RNF157: variants seen among roughly 807,000 people sequenced by gnomAD.
RNF157 encodes the protein E3 ubiquitin ligase RNF157.
A neutral mutation model predicts 88.3 loss-of-function variants in RNF157; 55 were observed. That is an observed-to-expected ratio of 0.62 (90% CI 0.50 to 0.78). The LOEUF (loss-of-function observed/expected upper bound fraction) is 0.78, where lower values mean the gene tolerates loss of function less well. Ranked by LOEUF, RNF157 falls within the 30% of genes least tolerant of loss-of-function variation. RNF157 has a pLI of 0.00. For missense variants in RNF157, 788 were observed against 860.8 expected (o/e 0.92, Z 1.06); for synonymous variants, 334 against 341.2 (o/e 0.98, Z 0.23).
intron 1 of RNF157, among the ~76,000 whole-genome samples, chr17:76,232,785 T>C (rs1306418592): frequency 2.0e-5 from 3 of 152,372 alleles, no homozygotes; most frequent in Middle Eastern, 3.4e-3. Flanking sequence ...TTAGTTATCC[T>C]AATTCTAATA....
Position 76,146,210 on chromosome 17 carries a change from G to T in RNF157, c.1922-857C>A. On this transcript the variant is annotated intron_variant, in intron 18 of 18. Coordinates refer to ENST00000269391, the MANE Select transcript of RNF157 (RefSeq NM_052916.3). This position sits in a 1 kb window ranked among gnomAD's most constrained non-coding sequence, Gnocchi z 4.2. ...CACGCTAACCTGGGCTCCACTCCCA[G>T]TTTACAGCAGTGTGACCTTGGGCAC... The T allele has an allele frequency of 2.9e-6, 1 of 339,850 alleles. No homozygotes were observed. Among genetic ancestry groups the T allele is most frequent in the Non-Finnish European group, 4.2e-6 (1 of 239,838 alleles). 21.1% of individuals were successfully genotyped at this position (339,850 alleles called of 1,614,324 possible).
chr17:76,159,681 G>A (rs2068819591), intron 11 of RNF157, 108 bp from the exon 12 acceptor site: 1 of 805,324 alleles, frequency 1.2e-6, no homozygotes, highest in Non-Finnish European at 2.1e-6. Context: ...CTGTTCTTGG[G>A]GGGGTCTGGT....
At chr17:76,159,183 A>T (rs1173868908) in intron 12 of RNF157, 152 bp downstream of exon 12, 2 of 669,428 alleles carry the variant, frequency 3.0e-6, no homozygotes, top group African/African-American at 3.7e-5. Flanking sequence ...TTCATCTCTT[A>T]ATGGATGGGA....
chr17:76,202,643 T>C, intron 2 of RNF157: 1 of 159,194 alleles, frequency 6.3e-6, no homozygotes, highest in Non-Finnish European at 1.4e-5. Context: ...GCTACTATTT[T>C]TTTTTTCAGG....
Position 76,144,913 on chromosome 17 carries a change from C to T in RNF157, c.*322G>A, listed in dbSNP as rs1008685980. On this transcript the variant is annotated 3_prime_UTR_variant, in exon 19 of 19. Coordinates refer to ENST00000269391, the MANE Select transcript of RNF157 (RefSeq NM_052916.3). The stretch of plus-strand genomic sequence containing the variant: ...CCAAACTCTAAGCCTTCTTGTTCTA[C>T]CCCCTAAGGAGAAAAAAGATGTGTA... The T allele has an allele frequency of 8.2e-6, 2 of 245,316 alleles. No homozygotes were observed. Among genetic ancestry groups the T allele is most frequent in the Non-Finnish European group, 1.6e-5 (2 of 128,086 alleles). 15.2% of individuals were successfully genotyped at this position (245,316 alleles called of 1,614,324 possible). A position where few individuals can be genotyped will look rare whatever the true frequency, so the allele number is the denominator to read the frequency against.
At position 76,157,158 on chromosome 17, in the gene RNF157, G is replaced by C. The variant is rs2068779539; in HGVS notation, c.1414-837C>G. Among the ~76,000 whole-genome samples, 1 of 152,132 alleles carries C rather than the reference G, an allele frequency of 6.6e-6. No homozygotes were observed. The highest frequency in any genetic ancestry group is 2.4e-5 in the African/African-American group (1 of 41,424). On this transcript the variant is annotated intron_variant, in intron 13 of 18. Coordinates refer to ENST00000269391, the MANE Select transcript of RNF157 (RefSeq NM_052916.3). This position sits in a 1 kb window ranked among gnomAD's most constrained non-coding sequence, Gnocchi z 5.6. ...ATTTTTTGTATTTTTAGTAGAGACG[G>C]GGTTTCACCATGTTAGCCAGGATGG...
chr17:76,203,769 CTTTTT>C (rs778913227), intron 2 of RNF157, among the ~76,000 whole-genome samples: 1 of 104,884 alleles, frequency 9.5e-6, no homozygotes, highest in Non-Finnish European at 2.0e-5. Context: ...AGTTTTGTTG[CTTTTT>C]TTTTTTTTTT....
intron 1 of RNF157, among the ~76,000 whole-genome samples, chr17:76,232,422 T>C (rs757109570): frequency 5.3e-5 from 8 of 151,860 alleles, no homozygotes; most frequent in Non-Finnish European, 1.0e-4. Flanking sequence ...AACAAAAAAT[T>C]AAATTGCTGA....
chr17:76,142,649 G>GCGACCAGC lies in RNF157; in HGVS notation c.*2578_*2585dup, dbSNP rs1394347272. On this transcript the variant is annotated 3_prime_UTR_variant, in exon 19 of 19. Transcript: ENST00000269391. ...AGGTGTGCAGACCAAAGCAAAGTGA[G>GCGACCAGC]CGACCAGCGTGCTAAACTCCAGGTG... 4 of 152,404 alleles carry GCGACCAGC rather than the reference G, an allele frequency of 2.6e-5. No homozygotes were observed. In the East Asian group the frequency reaches 7.7e-4, roughly 29 times the overall value. 9.4% of individuals were successfully genotyped at this position (152,404 alleles called of 1,614,324 possible).
rs1568018014 is a variant in RNF157 at position 76,146,734 on chromosome 17, G to C, written c.1922-1381C>G. On this transcript the variant is annotated intron_variant, in intron 18 of 18. Transcript: ENST00000269391. This position sits in a 1 kb window ranked among gnomAD's most constrained non-coding sequence, Gnocchi z 4.2. ...CCTCCATGGGACAAAGCTCCTCCTG[G>C]GCAGGGGCCGTGACTTCTTCACTGT... The C allele has an allele frequency of 2.0e-6, 2 of 985,312 alleles. No individual in the cohort carries two copies. The highest frequency in any genetic ancestry group is 1.7e-5 in the African/African-American group (1 of 57,266). 61.0% of individuals were successfully genotyped at this position (985,312 alleles called of 1,614,324 possible).
intron 2 of RNF157, among the ~76,000 whole-genome samples, chr17:76,186,765 C>G (rs1427650773): frequency 6.6e-6 from 1 of 151,888 alleles, no homozygotes; most frequent in East Asian, 1.9e-4. Flanking sequence ...ACTGGTGAAA[C>G]CCCATCTCTA....
At position 76,195,338 on chromosome 17, in the gene RNF157, G is replaced by A. The variant is rs1369402917; in HGVS notation, c.207+17026C>T. ...TGTCTCTCCAACTTCATTGGTTATC[G>A]GGAAAATGAAAATAAATTCTACAAA... is the stretch of plus-strand genomic sequence containing the variant. On this transcript the variant is annotated intron_variant, in intron 2 of 18. Coordinates refer to ENST00000269391, the MANE Select transcript of RNF157 (RefSeq NM_052916.3). This position sits in a 1 kb window ranked among gnomAD's most constrained non-coding sequence, Gnocchi z 4.4. 2.0e-5 allele frequency among the ~76,000 whole-genome samples: 3 copies of A among 152,080 alleles called. No individual in the cohort carries two copies. The highest frequency in any genetic ancestry group is 4.8e-5 in the African/African-American group (2 of 41,420).
At chr17:76,179,691 C>T (rs868183136) in intron 2 of RNF157, among the ~76,000 whole-genome samples, 5 of 151,978 alleles carry the variant, frequency 3.3e-5, no homozygotes, top group African/African-American at 1.2e-4. Context: ...GACTCTGTCT[C>T]AAAAACAAAA....
intron 1 of RNF157, among the ~76,000 whole-genome samples, chr17:76,234,714 C>G (rs1044355786): frequency 6.6e-5 from 10 of 151,988 alleles, no homozygotes; most frequent in African/African-American, 2.4e-4. Flanking sequence ...ATTGGGTTGT[C>G]TTTTTATTAT....
intron 1 of RNF157, among the ~76,000 whole-genome samples, chr17:76,239,647 C>T (rs2070342606): frequency 6.7e-6 from 1 of 148,956 alleles, no homozygotes; most frequent in South Asian, 2.1e-4. Context: ...CCAGGAGAAA[C>T]CTAATTCTAA....
chr17:76,177,222 T>C (rs2069118619), intron 2 of RNF157, among the ~76,000 whole-genome samples: 1 of 151,828 alleles, frequency 6.6e-6, no homozygotes, highest in Admixed American at 6.5e-5. Context: ...ACAGAGCCGG[T>C]GGAAGCCAGG....
At chr17:76,231,138 C>T (rs2070184966) in intron 1 of RNF157, among the ~76,000 whole-genome samples, 1 of 151,900 alleles carries the variant, frequency 6.6e-6, no homozygotes, top group Non-Finnish European at 1.5e-5. Context: ...GCTGTGACTA[C>T]AGGCACCGGC....
At chr17:76,219,854 C>T (rs756759219) in intron 1 of RNF157, among the ~76,000 whole-genome samples, 5 of 151,826 alleles carry the variant, frequency 3.3e-5, no homozygotes, top group Non-Finnish European at 7.4e-5. Context: ...TATTTTCTTC[C>T]GAGAATGTGG....
intron 3 of RNF157, among the ~76,000 whole-genome samples, chr17:76,168,631 ATC>A (rs2068965799): frequency 6.6e-6 from 1 of 151,552 alleles, no homozygotes; most frequent in Non-Finnish European, 1.5e-5. Context: ...CCACCCTGGA[ATC>A]TCTCTCCCCC....
Sources: gnomAD v4.1 joint callset for allele counts (sites outside exome capture counted in the v4.1 genomes callset) on GRCh38, gnomAD v4.1.1 for gene constraint, Gnocchi (gnomAD v3.1) non-coding constraint, MANE v1.5 for transcripts, NCBI Gene and HGNC (gene_info 2026-07-23, HGNC 2026-07-21) for gene names.